Variants in MRPL34 observed in about 807,000 individuals in gnomAD.
The protein encoded by MRPL34 is large ribosomal subunit protein bL34m.
MRPL34 carries 8 observed loss-of-function variants against 6.7 expected under a neutral mutation model. That is an observed-to-expected ratio of 1.20 (90% CI 0.70 to 2.16). The LOEUF is 2.16. Among genes scored for constraint, MRPL34 ranks in the 30% most tolerant of loss-of-function variants. MRPL34 has a pLI of 0.00. For missense variants in MRPL34, 146 were observed against 125.5 expected (o/e 1.16, Z -0.78); for synonymous variants, 59 against 55.1 (o/e 1.07, Z -0.31).
chr19:17,300,901 T>C, upstream of MRPL34: 1 of 1,607,574 alleles, frequency 6.2e-7, no homozygotes, highest in South Asian at 1.1e-5. Flanking sequence ...GGCATAGCGC[T>C]TGAAGATTGC....
At chr19:17,305,708 C>T, upstream of MRPL34, 1 of 673,364 alleles carries the variant, frequency 1.5e-6, no homozygotes, top group South Asian at 1.6e-5. Context: ...TCCCTGTGCC[C>T]CGCGGATATA....
At chr19:17,294,189 C>T in intron 1 of MRPL34, 3 of 1,408,738 alleles carry the variant, frequency 2.1e-6, no homozygotes, top group Non-Finnish European at 2.8e-6. Context: ...GAAGAAAGCA[C>T]GCCCACCAAG....
upstream of MRPL34, among the ~76,000 whole-genome samples, chr19:17,304,571 G>A (rs1489790220): frequency 9.9e-5 from 15 of 152,180 alleles, no homozygotes; most frequent in Non-Finnish European, 2.2e-4. Context: ...GCCAGAGCTG[G>A]ATTCCGTCCA....
At chr19:17,292,654 C>A in exon 1 of MRPL34, 1 of 1,605,200 alleles carries the variant, frequency 6.2e-7, no homozygotes, top group South Asian at 1.1e-5. Context: ...CCCCGCCGGC[C>A]CAGCGGCTAC....
At chr19:17,293,593 A>G (rs1229156681) in intron 1 of MRPL34, among the ~76,000 whole-genome samples, 3 of 151,666 alleles carry the variant, frequency 2.0e-5, no homozygotes, top group Non-Finnish European at 4.4e-5. Flanking sequence ...CTCAGTCGTG[A>G]CACCTAAAAA....
At chr19:17,294,725 G>C in intron 1 of MRPL34, 1 of 1,614,198 alleles carries the variant, frequency 6.2e-7, no homozygotes, top group Non-Finnish European at 8.5e-7. Context: ...GGACGCAGGT[G>C]GGCATGTTGA....
upstream of MRPL34, among the ~76,000 whole-genome samples, chr19:17,299,647 A>G (rs998395262): frequency 6.6e-5 from 10 of 151,786 alleles, no homozygotes; most frequent in Admixed American, 6.6e-4. Context: ...AGGTGCAAGG[A>G]TCACTTGAGC....
intron 1 of MRPL34, among the ~76,000 whole-genome samples, chr19:17,295,263 G>A (rs560569524): frequency 5.5e-4 from 83 of 150,166 alleles, no homozygotes; most frequent in Non-Finnish European, 8.6e-4. Flanking sequence ...CCGCCACCGC[G>A]CCCGGCTAAT....
upstream of MRPL34, chr19:17,298,135 G>A (rs1251716002): frequency 4.0e-5 from 6 of 151,470 alleles, no homozygotes; most frequent in Non-Finnish European, 7.4e-5. Context: ...AGCCAGGATG[G>A]TCTTGATCTC....
intron 1 of MRPL34, chr19:17,296,366 T>A (rs1409046502): frequency 6.6e-6 from 1 of 152,184 alleles, no homozygotes; most frequent in Non-Finnish European, 1.5e-5. Flanking sequence ...CATCAGATTC[T>A]TCAAGCCACC....
At chr19:17,297,185 TTGC>T (rs1406875441) in intron 1 of MRPL34, among the ~76,000 whole-genome samples, 2 of 152,212 alleles carry the variant, frequency 1.3e-5, no homozygotes, top group Non-Finnish European at 2.9e-5. Flanking sequence ...TTTGGGCAGG[TTGC>T]TTCACCTCTC....
intron 1 of MRPL34, among the ~76,000 whole-genome samples, chr19:17,295,945 A>G (rs1413190644): frequency 6.6e-6 from 1 of 152,154 alleles, no homozygotes; most frequent in Admixed American, 6.6e-5. Context: ...TCCTGGGCTC[A>G]AGTGATCCTC....
At chr19:17,301,314 G>T (rs372720665), upstream of MRPL34, 14 of 1,607,086 alleles carry the variant, frequency 8.7e-6, no homozygotes, top group Non-Finnish European at 1.1e-5. Context: ...GTAGGAGGTC[G>T]GCTCGAGGGG....
At chr19:17,303,204 G>A (rs1599527213), upstream of MRPL34, 2 of 152,370 alleles carry the variant, frequency 1.3e-5, no homozygotes, top group Admixed American at 1.3e-4. Context: ...AGGCCCCGGG[G>A]CTTCGATCTC....
intron 1 of MRPL34, chr19:17,294,609 C>T: frequency 6.2e-7 from 1 of 1,606,712 alleles, no homozygotes; most frequent in Non-Finnish European, 8.5e-7. Context: ...CCCCTCCCAT[C>T]CAACTCGAGC....
chr19:17,297,076 G>A (rs370843255), intron 1 of MRPL34, among the ~76,000 whole-genome samples: 3 of 152,264 alleles, frequency 2.0e-5, no homozygotes, highest in South Asian at 2.1e-4. Context: ...TTCGCTATCC[G>A]ATCCTTTAAG....
chr19:17,305,909 G>A lies in MRPL34; in HGVS notation c.17G>A (p.Gly6Glu). ...ACTGCGGATATGGCTGTCTTGGCTG[G>A]ATCCCTGTTGGGCCCCACGAGTAGG... is the stretch of plus-strand genomic sequence containing the variant. MAVLA[G>E]SLLGPTSRSA... Residue 6 changes from glycine (G) to glutamate (E), a missense_variant, in exon 1 of 2, where the codon GGA becomes GAA. Physicochemically the swap from Gly to Glu is moderately conservative, Grantham distance 98. Coordinates refer to ENST00000252602, the MANE Select transcript of MRPL34 (RefSeq NM_023937.4). 6.2e-7 allele frequency: 1 copy of A among 1,614,096 alleles called. No individual in the cohort carries two copies. The highest frequency in any genetic ancestry group is 8.5e-7 in the Non-Finnish European group (1 of 1,179,994).
chr19:17,297,880 G>A (rs986043106), upstream of MRPL34: 7 of 150,510 alleles, frequency 4.7e-5, no homozygotes, highest in Non-Finnish European at 8.8e-5. Flanking sequence ...ATAGGTGTAA[G>A]CCACCACACC....
intron 1 of MRPL34, 85 bp downstream of exon 1, chr19:17,306,042 CTGCCAG>C: frequency 6.4e-7 from 1 of 1,559,220 alleles, no homozygotes; most frequent in Non-Finnish European, 8.8e-7. Context: ...CCCGCGTGAC[CTGCCAG>C]TGCCTTGCGC....
Sources: allele counts gnomAD v4.1 joint callset (sites outside exome capture counted in the v4.1 genomes callset), GRCh38; gene constraint gnomAD v4.1.1; transcripts MANE v1.5; gene names NCBI Gene and HGNC (gene_info 2026-07-23, HGNC 2026-07-21).